SNTG1: variants seen among roughly 807,000 people sequenced by gnomAD.
SNTG1 encodes the protein gamma-1-syntrophin.
A neutral mutation model predicts 74.7 loss-of-function variants in SNTG1; 39 were observed. The ratio of observed to expected loss-of-function variants is 0.52; its 90% CI spans 0.40 to 0.68. The LOEUF (loss-of-function observed/expected upper bound fraction) is 0.68. Ranked by LOEUF, SNTG1 falls within the 30% of genes least tolerant of loss-of-function variation. The probability of loss-of-function intolerance (pLI) is 0.00; values close to 1 mark genes in which losing one functional copy is unlikely to be tolerated. For synonymous variants in SNTG1, 254 were observed against 217.1 expected (o/e 1.17, Z -1.49); for missense variants, 685 against 609.5 (o/e 1.12, Z -1.30).
chr8:50,674,753 T>C (rs897290785), intron 15 of SNTG1, among the ~76,000 whole-genome samples: 1 of 152,130 alleles, frequency 6.6e-6, no homozygotes, highest in African/African-American at 2.4e-5. Context: ...TTAATTGTGA[T>C]GTTAGGGTGT....
At chr8:50,042,476 G>A (rs910993111) in intron 1 of SNTG1, among the ~76,000 whole-genome samples, 1 of 152,174 alleles carries the variant, frequency 6.6e-6, no homozygotes, top group African/African-American at 2.4e-5. Context: ...TAGGAGGAAA[G>A]CTTTGGCCTA....
At chr8:50,034,904 G>A (rs1818019115) in intron 1 of SNTG1, among the ~76,000 whole-genome samples, 1 of 152,120 alleles carries the variant, frequency 6.6e-6, no homozygotes, top group Admixed American at 6.5e-5. Flanking sequence ...GGATTGTCAT[G>A]ATGCAGATTG....
At chr8:50,391,513 A>T (rs564110436) in intron 2 of SNTG1, among the ~76,000 whole-genome samples, 1 of 152,014 alleles carries the variant, frequency 6.6e-6, no homozygotes, top group Non-Finnish European at 1.5e-5. Context: ...GTTCATCAGG[A>T]GTATTGGTCT....
chr8:50,615,414 G>A (rs1279423062), intron 13 of SNTG1, among the ~76,000 whole-genome samples: 1 of 152,168 alleles, frequency 6.6e-6, no homozygotes, highest in East Asian at 1.9e-4. Flanking sequence ...AGCATCTTAG[G>A]ATTTCCATGG....
At chr8:50,359,223 T>G (rs2957601) in intron 2 of SNTG1, among the ~76,000 whole-genome samples, 54,485 of 152,036 alleles carry the variant, frequency 0.36, 9,915 homozygotes, top group South Asian at 0.43. Context: ...TGAGTTCAGC[T>G]CCTTAGTCCA....
At chr8:50,102,848 T>A (rs1176334392) in intron 1 of SNTG1, among the ~76,000 whole-genome samples, 2 of 148,684 alleles carry the variant, frequency 1.3e-5, no homozygotes, top group Admixed American at 1.3e-4. Flanking sequence ...TTTGTCAGGT[T>A]TGTCAAAGAT....
chr8:50,069,024 A>G lies in SNTG1; in HGVS notation c.-102-103537A>G, dbSNP rs1821129879. 2.0e-5 allele frequency among the ~76,000 whole-genome samples: 3 copies of G among 152,232 alleles called. No homozygotes were observed. The South Asian group carries it at 6.2e-4, about 32-fold the overall frequency. The stretch of plus-strand genomic sequence containing the variant: ...AATCATATCTTATTTATGATTTACA[A>G]TTTATCTGTTTTCTCCAGACAGTTG... On this transcript the variant is annotated intron_variant, in intron 1 of 18. Transcript: ENST00000642720.
intron 18 of SNTG1, among the ~76,000 whole-genome samples, chr8:50,770,543 A>G (rs2095624416): frequency 6.6e-6 from 1 of 152,116 alleles, no homozygotes; most frequent in African/African-American, 2.4e-5. Flanking sequence ...CAGATTCTAA[A>G]AAAGCATAAT....
Position 50,793,502 on chromosome 8 carries a change from G to A in SNTG1, c.*673G>A, listed in dbSNP as rs901249402. 6 of 151,926 alleles carry A rather than the reference G, an allele frequency of 3.9e-5. No individual in the cohort carries two copies. The highest frequency in any genetic ancestry group is 7.4e-5 in the Non-Finnish European group (5 of 67,896). The allele number at this position is 151,926 out of a possible 1,614,324, so 9.4% of individuals were successfully genotyped here. The stretch of plus-strand genomic sequence containing the variant: ...ATGGACTATTCTCCCTTGGATCACT[G>A]TTATTGAAATGTCTTATTAGCTGCC... On this transcript the variant is annotated 3_prime_UTR_variant, in exon 19 of 19. Transcript: ENST00000642720.
chr8:50,474,772 G>A (rs1300131909), intron 8 of SNTG1, among the ~76,000 whole-genome samples: 2 of 152,052 alleles, frequency 1.3e-5, no homozygotes, highest in African/African-American at 2.4e-5. Flanking sequence ...AAAGACACAT[G>A]CACACGTATG....
intron 1 of SNTG1, among the ~76,000 whole-genome samples, chr8:50,103,168 G>A (rs28869259): frequency 3.9e-5 from 6 of 152,210 alleles, no homozygotes; most frequent in Non-Finnish European, 7.4e-5. Flanking sequence ...CCATTTTCAC[G>A]ATATTGATTC....
At chr8:49,991,224 C>G (rs568396835) in intron 1 of SNTG1, among the ~76,000 whole-genome samples, 25 of 152,224 alleles carry the variant, frequency 1.6e-4, no homozygotes, top group Admixed American at 2.0e-4. Flanking sequence ...AGTTGCAAAT[C>G]AAAACCACAC....
At chr8:50,376,756 T>TATATATATAGAG (rs1381048539) in intron 2 of SNTG1, among the ~76,000 whole-genome samples, 11 of 89,982 alleles carry the variant, frequency 1.2e-4, no homozygotes, top group Non-Finnish European at 1.8e-4. Flanking sequence ...TATATATATA[T>TATATATATAGAG]AGAGAGAGAG....
rs376854090 is a variant in SNTG1, at chr8:50,462,878, A to T, written c.363+12149A>T. On this transcript the variant is annotated intron_variant, in intron 8 of 18. Transcript: ENST00000642720. ...TGTTGCCAGGCTGGAGTGCAATGAC[A>T]CGATCTTGGCTCACTGTAACTGCCG... is the stretch of plus-strand genomic sequence containing the variant. Among the ~76,000 whole-genome samples the T allele has an allele frequency of 1.2e-4, 14 of 120,300 alleles. No homozygotes were observed. The East Asian group carries it at 2.2e-3, about 19-fold the overall frequency. 78.9% of individuals were successfully genotyped at this position (120,300 alleles called of 152,430 possible).
chr8:50,204,669 G>A (rs547222420), intron 2 of SNTG1, among the ~76,000 whole-genome samples: 1 of 152,106 alleles, frequency 6.6e-6, no homozygotes, highest in African/African-American at 2.4e-5. Context: ...TGCTGCACCT[G>A]TTAACTCGTC....
At chr8:50,077,096 G>A (rs1309655696) in intron 1 of SNTG1, among the ~76,000 whole-genome samples, 2 of 152,138 alleles carry the variant, frequency 1.3e-5, no homozygotes, top group Non-Finnish European at 2.9e-5. Flanking sequence ...TGGTTTGGTG[G>A]CTTTTGTAGA....
At chr8:50,775,367 T>A (rs897231220) in intron 18 of SNTG1, among the ~76,000 whole-genome samples, 11 of 151,690 alleles carry the variant, frequency 7.3e-5, no homozygotes, top group Non-Finnish European at 1.3e-4. Context: ...CAATGTATTT[T>A]TTTATTTCTT....
intron 1 of SNTG1, among the ~76,000 whole-genome samples, chr8:50,161,527 T>C (rs1390732241): frequency 6.6e-6 from 1 of 152,184 alleles, no homozygotes; most frequent in Non-Finnish European, 1.5e-5. Context: ...ACTTTCAGTG[T>C]CCATGTGCTG....
chr8:50,335,615 A>G (rs770846042), intron 2 of SNTG1, among the ~76,000 whole-genome samples: 2 of 152,066 alleles, frequency 1.3e-5, no homozygotes, highest in African/African-American at 2.4e-5. Flanking sequence ...GGAAACCATC[A>G]GACTGCTCTC....
Sources: gnomAD v4.1 joint callset for allele counts (sites outside exome capture counted in the v4.1 genomes callset) on GRCh38, gnomAD v4.1.1 for gene constraint, MANE v1.5 for transcripts, NCBI Gene and HGNC (gene_info 2026-07-23, HGNC 2026-07-21) for gene names.